KIAA1217: variants seen among roughly 807,000 people sequenced by gnomAD.
KIAA1217 encodes the protein sickle tail protein homolog.
KIAA1217 carries 88 observed loss-of-function variants against 163.9 expected under a neutral mutation model. That is an observed-to-expected ratio of 0.54 (90% CI 0.45 to 0.64). KIAA1217 has a LOEUF of 0.64. Among genes scored for constraint, KIAA1217 ranks in the 30% least tolerant of loss-of-function variants. The pLI, the probability that KIAA1217 is intolerant of heterozygous loss-of-function variation, is 0.00. For synonymous variants in KIAA1217, 903 were observed against 923.1 expected (o/e 0.98, Z 0.39); for missense variants, 2,372 against 2,475.0 (o/e 0.96, Z 0.88).
intron 2 of KIAA1217, among the ~76,000 whole-genome samples, chr10:24,247,204 G>C (rs1564337200): frequency 6.7e-6 from 1 of 150,140 alleles, no homozygotes; most frequent in East Asian, 2.0e-4. Flanking sequence ...TATGTGTGCA[G>C]ATTTGTTACA....
At chr10:23,872,921 G>A (rs1349555948) in intron 1 of KIAA1217, among the ~76,000 whole-genome samples, 1 of 152,008 alleles carries the variant, frequency 6.6e-6, no homozygotes, top group Non-Finnish European at 1.5e-5. Context: ...CACCCATTTA[G>A]AGGTCAGGTT....
intron 1 of KIAA1217, among the ~76,000 whole-genome samples, chr10:23,955,004 G>A (rs1260404029): frequency 1.3e-5 from 2 of 152,162 alleles, no homozygotes; most frequent in African/African-American, 4.8e-5. Flanking sequence ...TCTGTAAAAG[G>A]AAGATAATAA....
intron 1 of KIAA1217, among the ~76,000 whole-genome samples, chr10:23,858,888 C>A (rs1839829466): frequency 6.6e-6 from 1 of 152,168 alleles, no homozygotes; most frequent in Non-Finnish European, 1.5e-5. Flanking sequence ...GTCTACTGTA[C>A]AATCTCAAAA....
chr10:24,385,111 A>AG (rs2053838414), intron 3 of KIAA1217, among the ~76,000 whole-genome samples: 1 of 152,180 alleles, frequency 6.6e-6, no homozygotes, highest in South Asian at 2.1e-4. Flanking sequence ...CAGCACAGAA[A>AG]GGGGAGGGCT....
intron 2 of KIAA1217, among the ~76,000 whole-genome samples, chr10:24,151,540 A>G (rs987092311): frequency 6.7e-6 from 1 of 150,282 alleles, no homozygotes; most frequent in African/African-American, 2.5e-5. Context: ...CGTTGTAAGA[A>G]TTAATGTACT....
At chr10:23,984,291 A>G (rs1248717634) in intron 1 of KIAA1217, among the ~76,000 whole-genome samples, 3 of 152,198 alleles carry the variant, frequency 2.0e-5, no homozygotes, top group Non-Finnish European at 4.4e-5. Context: ...TCCTGCCTAT[A>G]TACTGTTGGT....
At chr10:24,239,071 T>C (rs901585685) in intron 2 of KIAA1217, 1 of 780,988 alleles carries the variant, frequency 1.3e-6, no homozygotes, top group African/African-American at 1.9e-5. Context: ...TCCATGGAGA[T>C]TTATGATGTC....
intron 2 of KIAA1217, among the ~76,000 whole-genome samples, chr10:24,015,396 C>T (rs530155655): frequency 1.3e-5 from 2 of 152,032 alleles, no homozygotes; most frequent in Non-Finnish European, 2.9e-5. Context: ...TTGCAGCCTC[C>T]TCAGTCTTAG....
intron 2 of KIAA1217, among the ~76,000 whole-genome samples, chr10:24,149,346 A>AT (rs955704191): frequency 6.0e-5 from 9 of 151,164 alleles, no homozygotes; most frequent in African/African-American, 1.7e-4. Context: ...TGCCCGACTA[A>AT]TTTTTTTTTG....
intron 1 of KIAA1217, among the ~76,000 whole-genome samples, chr10:24,215,549 T>C (rs1033228214): frequency 6.6e-6 from 1 of 152,224 alleles, no homozygotes; most frequent in Non-Finnish European, 1.5e-5. Context: ...CTCAGATCTC[T>C]GACAACATGG....
chr10:24,231,516 C>T (rs572287097), intron 2 of KIAA1217, among the ~76,000 whole-genome samples: 1 of 151,998 alleles, frequency 6.6e-6, no homozygotes, highest in Non-Finnish European at 1.5e-5. Context: ...ACTGGAGGCC[C>T]GTGAGCAAAG....
intron 1 of KIAA1217, among the ~76,000 whole-genome samples, chr10:23,946,946 G>T (rs968660707): frequency 6.6e-6 from 1 of 152,136 alleles, no homozygotes; most frequent in Non-Finnish European, 1.5e-5. Context: ...CATGGGGGTG[G>T]TTACCCCCAT....
At chr10:24,190,136 C>G (rs1325820270) in intron 2 of KIAA1217, among the ~76,000 whole-genome samples, 2 of 151,978 alleles carry the variant, frequency 1.3e-5, no homozygotes, top group Non-Finnish European at 2.9e-5. Flanking sequence ...CTTGACCTCT[C>G]TTTGCGGCAG....
chr10:23,755,424 T>C (rs1833870993), intron 1 of KIAA1217, among the ~76,000 whole-genome samples: 1 of 152,236 alleles, frequency 6.6e-6, no homozygotes, highest in Non-Finnish European at 1.5e-5. Flanking sequence ...TGTTAACCTC[T>C]GTCATCTTCA....
intron 3 of KIAA1217, among the ~76,000 whole-genome samples, chr10:24,402,583 A>G (rs2367055): frequency 0.29 from 43,732 of 149,864 alleles, 10,601 homozygotes; most frequent in African/African-American, 0.66. Flanking sequence ...TTGACAAAGA[A>G]AAATGAAGTG....
intron 2 of KIAA1217, among the ~76,000 whole-genome samples, chr10:24,358,951 A>G (rs1288470056): frequency 6.6e-6 from 1 of 152,176 alleles, no homozygotes; most frequent in East Asian, 1.9e-4. Flanking sequence ...ACAGGAGTTC[A>G]GACATATCCA....
intron 9 of KIAA1217, among the ~76,000 whole-genome samples, chr10:24,503,987 C>T (rs1030260376): frequency 1.3e-5 from 2 of 152,166 alleles, no homozygotes; most frequent in Admixed American, 1.3e-4. Context: ...CCGCACTTCC[C>T]CTGGGAATTT....
chr10:24,146,154 C>T (rs1421579577), intron 2 of KIAA1217, among the ~76,000 whole-genome samples: 3 of 152,132 alleles, frequency 2.0e-5, no homozygotes, highest in African/African-American at 4.8e-5. Context: ...AAGGATCAAC[C>T]GTTTCATATT....
At chr10:24,069,492 C>T (rs936888508) in intron 2 of KIAA1217, among the ~76,000 whole-genome samples, 3 of 152,138 alleles carry the variant, frequency 2.0e-5, no homozygotes, top group Admixed American at 6.5e-5. Flanking sequence ...TTGGGCAGCA[C>T]CCAGAAAAGT....
Sources: gnomAD v4.1 joint callset for allele counts (sites outside exome capture counted in the v4.1 genomes callset) on GRCh38, gnomAD v4.1.1 for gene constraint, MANE v1.5 for transcripts, NCBI Gene and HGNC (gene_info 2026-07-23, HGNC 2026-07-21) for gene names.